The following FBLN2 variants were observed in gnomAD, a reference collection of about 807,000 sequenced individuals.
FBLN2 encodes fibulin 2.
Under a neutral mutation model 123.7 loss-of-function variants are expected in FBLN2, and 81 were observed. The observed-to-expected ratio is 0.65, with a 90% CI of 0.55 to 0.79. The LOEUF (loss-of-function observed/expected upper bound fraction) is 0.79, where lower values mean the gene tolerates loss of function less well. FBLN2 is among the 30% of genes least tolerant of loss of function. The pLI is 0.00. For synonymous variants in FBLN2, 699 were observed against 701.4 expected, an observed-to-expected ratio of 1.00 and a Z score of 0.05; for missense variants, 1,603 against 1,681.3, an observed-to-expected ratio of 0.95 and a Z score of 0.81.
intron 1 of FBLN2, among the ~76,000 whole-genome samples, chr3:13,557,667 C>T (rs899075359): frequency 2.6e-5 from 4 of 152,226 alleles, no homozygotes; most frequent in African/African-American, 9.7e-5. Context: ...GTGACTGGGT[C>T]GTGTGACTGC....
intron 9 of FBLN2, among the ~76,000 whole-genome samples, chr3:13,625,258 C>T (rs1303473195): frequency 6.6e-6 from 1 of 152,080 alleles, no homozygotes; most frequent in Non-Finnish European, 1.5e-5. Context: ...AGTTGGTGGC[C>T]TCTGTGGCCC....
At chr3:13,557,916 C>G (rs567395360) in intron 1 of FBLN2, among the ~76,000 whole-genome samples, 13 of 152,342 alleles carry the variant, frequency 8.5e-5, no homozygotes, top group Non-Finnish European at 1.9e-4. Flanking sequence ...CTTGGTCCTG[C>G]TGGCTGTCTC....
chr3:13,590,711 G>A (rs1704646499), intron 2 of FBLN2, among the ~76,000 whole-genome samples: 1 of 152,206 alleles, frequency 6.6e-6, no homozygotes, highest in Non-Finnish European at 1.5e-5. Flanking sequence ...TTTAGCTCAA[G>A]GTAAGGTATT....
rs529076738 is a variant in FBLN2 at position 13,555,784 on chromosome 3, C to T, written c.-42+6576C>T. 4.1e-4 allele frequency among the ~76,000 whole-genome samples: 62 copies of T among 152,302 alleles called. 1 individual carries two copies. The highest frequency in any genetic ancestry group is 1.4e-3 in the African/African-American group (60 of 41,576). On this transcript the variant is annotated intron_variant, in intron 1 of 17. Coordinates refer to ENST00000404922, the MANE Select transcript of FBLN2 (RefSeq NM_001004019.2). ...GTTTTTAAAAAGAATGGTTGGCAAGCGTCTGAGAGGTGTGGGAGGCACACC... is the reference window on the plus strand; with the variant it reads ...GTTTTTAAAAAGAATGGTTGGCAAGTGTCTGAGAGGTGTGGGAGGCACACC...
At chr3:13,604,498 T>C (rs1388969352) in intron 2 of FBLN2, among the ~76,000 whole-genome samples, 2 of 152,330 alleles carry the variant, frequency 1.3e-5, no homozygotes, top group Admixed American at 1.3e-4. Context: ...GGAATCGTTT[T>C]CCCATTTCTT....
intron 1 of FBLN2, among the ~76,000 whole-genome samples, chr3:13,566,315 T>C (rs547140941): frequency 1.8e-4 from 28 of 152,326 alleles, no homozygotes; most frequent in African/African-American, 5.1e-4. Flanking sequence ...GCCCTCCTGC[T>C]TCTCTCTTGT....
intron 4 of FBLN2, among the ~76,000 whole-genome samples, chr3:13,611,524 GTGTT>G (rs1289921733): frequency 2.0e-5 from 3 of 152,172 alleles, no homozygotes; most frequent in Admixed American, 6.5e-5. Context: ...GAATTATACA[GTGTT>G]TGATCTTTTG....
intron 4 of FBLN2, among the ~76,000 whole-genome samples, chr3:13,611,490 T>C (rs1409395831): frequency 6.6e-6 from 1 of 152,214 alleles, no homozygotes; most frequent in Non-Finnish European, 1.5e-5. Flanking sequence ...TGGGTTTGAC[T>C]CCTCTAGGGA....
At chr3:13,566,812 G>T (rs1219374424) in intron 1 of FBLN2, among the ~76,000 whole-genome samples, 3 of 152,220 alleles carry the variant, frequency 2.0e-5, no homozygotes, top group African/African-American at 7.2e-5. Context: ...ATTTATGCAT[G>T]CTGGTAACCA....
chr3:13,631,982 G>A (rs1176068508), intron 16 of FBLN2, among the ~76,000 whole-genome samples: 1 of 149,008 alleles, frequency 6.7e-6, no homozygotes, highest in African/African-American at 2.5e-5. Context: ...GCTGCACAAT[G>A]GGAGGGTCCC....
intron 1 of FBLN2, among the ~76,000 whole-genome samples, chr3:13,568,529 C>T (rs1023865336): frequency 6.6e-6 from 1 of 152,222 alleles, no homozygotes. Flanking sequence ...TCACAGCAGG[C>T]TGGAAGCCCG....
chr3:13,630,027 G>A, intron 14 of FBLN2, 82 bp downstream of exon 14: 1 of 1,561,914 alleles, frequency 6.4e-7, no homozygotes, highest in Non-Finnish European at 8.7e-7. Flanking sequence ...AGAGCCTTCT[G>A]TGACCCTTCA....
Position 13,618,062 on chromosome 3 carries a change from A to G in FBLN2, c.1730-14A>G. ...CCAAGCTGGCTCTGTCTTGAGCTCT[A>G]ACCCCTGTCCTAGTTTCAGAGGCAG... is the stretch of plus-strand genomic sequence containing the variant. On this transcript the variant is annotated splice_polypyrimidine_tract_variant and intron_variant, in intron 5 of 17. Transcript: ENST00000404922. 1 of 1,611,832 alleles carries G rather than the reference A, an allele frequency of 6.2e-7. No homozygotes were observed. Among genetic ancestry groups the G allele is most frequent in the Non-Finnish European group, 8.5e-7 (1 of 1,179,466 alleles).
chr3:13,592,689 T>A (rs1704715180), intron 2 of FBLN2, among the ~76,000 whole-genome samples: 1 of 152,126 alleles, frequency 6.6e-6, no homozygotes, highest in Non-Finnish European at 1.5e-5. Context: ...TAGTGTAGAG[T>A]TCTTGTATAT....
In FBLN2 at chr3:13,609,501, C is replaced by G. The variant is rs752157367; in HGVS notation, c.1419-12C>G. On this transcript the variant is annotated splice_polypyrimidine_tract_variant and intron_variant, in intron 3 of 17. Transcript: ENST00000404922. Reference sequence around the variant, plus strand: ...TGGGCGACTGGGGGCTAAGTTACCCCCTCTGTTTCAGGACAGCCCAGAGGC... The same window carrying G: ...TGGGCGACTGGGGGCTAAGTTACCCGCTCTGTTTCAGGACAGCCCAGAGGC... 4.0e-5 allele frequency: 62 copies of G among 1,535,460 alleles called. 1 individual carries two copies. Among genetic ancestry groups the G allele is most frequent in the African/African-American group, 3.6e-4 (26 of 72,350 alleles).
rs970299452 is a variant in FBLN2 at position 13,587,501 on chromosome 3, G to A, written c.1306+15840G>A. On this transcript the variant is annotated intron_variant, in intron 2 of 17. Coordinates refer to ENST00000404922, the MANE Select transcript of FBLN2 (RefSeq NM_001004019.2). The stretch of plus-strand genomic sequence containing the variant: ...ATCCAGTCTGCAAGCTCCATGCATG[G>A]TAAGGGCCCTGTAAACCAAAAATAA... Among the ~76,000 whole-genome samples, 3 of 152,232 alleles carry A rather than the reference G, an allele frequency of 2.0e-5. No individual in the cohort carries two copies. In the South Asian group the frequency reaches 6.2e-4, roughly 32 times the overall value.
intron 13 of FBLN2, among the ~76,000 whole-genome samples, chr3:13,629,596 G>A (rs113212972): frequency 4.3e-4 from 66 of 151,826 alleles, no homozygotes; most frequent in African/African-American, 1.5e-3. Context: ...CTTTGCCTGT[G>A]TCTGTCCCTC....
At chr3:13,616,617 C>G (rs1160705665) in intron 5 of FBLN2, among the ~76,000 whole-genome samples, 2 of 152,212 alleles carry the variant, frequency 1.3e-5, no homozygotes, top group Non-Finnish European at 2.9e-5. Flanking sequence ...TGACTTCATG[C>G]AGCTACTCTC....
chr3:13,609,677 G>A, intron 4 of FBLN2, 35 bp downstream of exon 4: 1 of 1,530,128 alleles, frequency 6.5e-7, no homozygotes, highest in Non-Finnish European at 8.8e-7. Flanking sequence ...GGCAGGGTGG[G>A]GTGGGGCGGG....
Sources: gnomAD v4.1 joint callset for allele counts (sites outside exome capture counted in the v4.1 genomes callset) on GRCh38, gnomAD v4.1.1 for gene constraint, MANE v1.5 for transcripts, NCBI Gene and HGNC (gene_info 2026-07-23, HGNC 2026-07-21) for gene names.